The following CELSR1 variants were observed in gnomAD, a reference collection of about 807,000 sequenced individuals.
CELSR1 encodes cadherin EGF LAG seven-pass G-type receptor 1.
CELSR1 carries 110 observed loss-of-function variants against 249.1 expected under a neutral mutation model. That is an observed-to-expected ratio of 0.44 (90% confidence interval 0.38 to 0.52). The LOEUF is 0.52. Ranked by LOEUF, CELSR1 falls within the 20% of genes least tolerant of loss-of-function variation. The pLI is 0.00. For missense variants in CELSR1, 4,109 were observed against 4,296.4 expected, an observed-to-expected ratio of 0.96 and a Z score of 1.22; for synonymous variants, 2,113 against 1,900.0, an observed-to-expected ratio of 1.11 and a Z score of -2.92.
intron 24 of CELSR1, among the ~76,000 whole-genome samples, chr22:46,375,049 G>A (rs1451090084): frequency 1.3e-5 from 2 of 152,156 alleles, no homozygotes; most frequent in African/African-American, 2.4e-5. Flanking sequence ...GGTGACCTGC[G>A]AGGTGGGGGT....
In CELSR1 at chr22:46,433,509, G is replaced by T. The variant is rs756212983; in HGVS notation, c.4523-28C>A. On this transcript the variant is annotated intron_variant, in intron 4 of 34. Coordinates refer to ENST00000674500, the MANE Select transcript of CELSR1 (RefSeq NM_001378328.1). This position sits in a 1 kb window ranked among gnomAD's most constrained non-coding sequence, Gnocchi z 5.7. The stretch of plus-strand genomic sequence containing the variant: ...GCATGGTGGGAGGGAGACCCAGAGA[G>T]AAAACAGGGGTTGGCGGGGCCTACT... The T allele has an allele frequency of 1.4e-5, 23 of 1,594,924 alleles. No homozygotes were observed. The highest frequency in any genetic ancestry group is 2.0e-5 in the Non-Finnish European group (23 of 1,164,790).
At chr22:46,377,608 C>G (rs1227789814) in intron 23 of CELSR1, 1 of 330,898 alleles carries the variant, frequency 3.0e-6, no homozygotes. Context: ...TTTCAGCTTC[C>G]TTGGCCCACA....
rs561821654 is a variant in CELSR1 at position 46,471,418 on chromosome 22, C to T, written c.3545-7073G>A. ...TCTTTTGCTTGTTTTGAGACAGAGT[C>T]TCATTCTGTGGCCCAGGCTGGAATG... On this transcript the variant is annotated intron_variant, in intron 1 of 34. Coordinates refer to ENST00000674500, the MANE Select transcript of CELSR1 (RefSeq NM_001378328.1). The surrounding 1 kb of genome is among the most constrained non-coding windows in gnomAD (Gnocchi z 4.9). Among the ~76,000 whole-genome samples the T allele has an allele frequency of 6.6e-6, 1 of 152,198 alleles. No homozygotes were observed. Among genetic ancestry groups the T allele is most frequent in the South Asian group, 2.1e-4 (1 of 4,824 alleles).
In CELSR1 at chr22:46,386,386, G is replaced by A. The variant is rs200984832; in HGVS notation, c.6739+16C>T. On this transcript the variant is annotated intron_variant, in intron 19 of 34. Transcript: ENST00000674500. The stretch of plus-strand genomic sequence containing the variant: ...ATGGTAGCAGGGTTCCACCCCCAAC[G>A]CAGCCAGCGCCTTACTCATGTTGGC... 15 of 1,531,002 alleles carry A rather than the reference G, an allele frequency of 9.8e-6. No individual in the cohort carries two copies. The highest frequency in any genetic ancestry group is 9.5e-5 in the East Asian group (4 of 42,314). The allele number at this position is 1,531,002 out of a possible 1,614,324, so 94.8% of individuals were successfully genotyped here.
chr22:46,475,058 T>A (rs2080194285), intron 1 of CELSR1, among the ~76,000 whole-genome samples: 1 of 152,174 alleles, frequency 6.6e-6, no homozygotes, highest in African/African-American at 2.4e-5. Flanking sequence ...CCATTTTATC[T>A]TGCCGCATTA....
intron 1 of CELSR1, among the ~76,000 whole-genome samples, chr22:46,467,160 G>A (rs563308176): frequency 6.6e-6 from 1 of 152,338 alleles, no homozygotes; most frequent in Non-Finnish European, 1.5e-5. Flanking sequence ...TGTTAAAAAT[G>A]TGAACGTAAG....
chr22:46,362,855 G>C lies in CELSR1; in HGVS notation c.*368C>G. On this transcript the variant is annotated 3_prime_UTR_variant, in exon 35 of 35. Coordinates refer to ENST00000674500, the MANE Select transcript of CELSR1 (RefSeq NM_001378328.1). ...GGACCGCGGTCTTTGGTCTGTGCCC[G>C]GCGTTCCTGAACTCTGGCCAGCCTC... 1 of 394,940 alleles carries C rather than the reference G, an allele frequency of 2.5e-6. No individual in the cohort carries two copies. The highest frequency in any genetic ancestry group is 5.1e-5 in the South Asian group (1 of 19,422). 24.5% of individuals were successfully genotyped at this position (394,940 alleles called of 1,614,324 possible).
chr22:46,397,277 CTTT>C (rs528088887), intron 12 of CELSR1, among the ~76,000 whole-genome samples: 10,096 of 78,256 alleles, frequency 0.13, 559 homozygotes, highest in African/African-American at 0.28. Flanking sequence ...CTAATTTTTG[CTTT>C]TTTTTTTTTT....
chr22:46,369,843 G>A (rs757068486), intron 25 of CELSR1, 39 bp from the exon 26 acceptor site: 28 of 1,559,490 alleles, frequency 1.8e-5, no homozygotes, highest in Middle Eastern at 1.7e-4. Context: ...TGAGGGCCAC[G>A]TGCCCAGTGG....
intron 1 of CELSR1, among the ~76,000 whole-genome samples, chr22:46,511,153 G>A (rs1220886118): frequency 1.3e-5 from 2 of 152,072 alleles, no homozygotes; most frequent in African/African-American, 4.8e-5. Context: ...CTCACAAAGT[G>A]CTGGTTTTCT....
intron 20 of CELSR1, among the ~76,000 whole-genome samples, chr22:46,383,836 G>T (rs1273254972): frequency 6.6e-6 from 1 of 151,942 alleles, no homozygotes; most frequent in African/African-American, 2.4e-5. Flanking sequence ...CCAGCTAGAA[G>T]CAGCTTTTCA....
At position 46,407,004 on chromosome 22, in the gene CELSR1, G is replaced by A. The variant is rs76263387; in HGVS notation, c.5226+1992C>T. Among the ~76,000 whole-genome samples, 8,959 of 152,264 alleles carry A rather than the reference G, an allele frequency of 0.059. 298 individuals carry two copies. The highest frequency in any genetic ancestry group is 0.071 in the African/African-American group (2,969 of 41,536). ...GGAGGGACTTCCTGACCGCAGGAGC[G>A]GGGAGGGGGGGTCATCCTGGGAGAA... On this transcript the variant is annotated intron_variant, in intron 9 of 34. Coordinates refer to ENST00000674500, the MANE Select transcript of CELSR1 (RefSeq NM_001378328.1). This position sits in a 1 kb window ranked among gnomAD's most constrained non-coding sequence, Gnocchi z 4.8.
At chr22:46,492,912 G>A (rs1010656479) in intron 1 of CELSR1, among the ~76,000 whole-genome samples, 1 of 152,062 alleles carries the variant, frequency 6.6e-6, no homozygotes, top group Non-Finnish European at 1.5e-5. Flanking sequence ...GACAAAAAGA[G>A]CATGGAAAAC....
intron 1 of CELSR1, among the ~76,000 whole-genome samples, chr22:46,489,128 G>A (rs11913768): frequency 2.6e-5 from 4 of 151,916 alleles, no homozygotes; most frequent in African/African-American, 7.3e-5. Context: ...CCAAATGCAC[G>A]ATTATTTCCC....
Position 46,402,634 on chromosome 22 carries a change from A to G in CELSR1, c.5227-2732T>C, listed in dbSNP as rs570198340. On this transcript the variant is annotated intron_variant, in intron 9 of 34. Coordinates refer to ENST00000674500, the MANE Select transcript of CELSR1 (RefSeq NM_001378328.1). This position sits in a 1 kb window ranked among gnomAD's most constrained non-coding sequence, Gnocchi z 5.0. ...GCTTGAAAACCAAGAGAAGCAAGGA[A>G]GAGTGGCAACAGACCACAGATTCAT... Among the ~76,000 whole-genome samples the G allele has an allele frequency of 6.6e-6, 1 of 152,270 alleles. No homozygotes were observed. Among genetic ancestry groups the G allele is most frequent in the Non-Finnish European group, 1.5e-5 (1 of 68,052 alleles).
chr22:46,460,935 A>G (rs1230173021), intron 2 of CELSR1, among the ~76,000 whole-genome samples: 1 of 152,132 alleles, frequency 6.6e-6, no homozygotes, highest in African/African-American at 2.4e-5. Flanking sequence ...ATTAATTGCT[A>G]CTTCCTTCAT....
rs145213634 is a variant in CELSR1 at position 46,428,770 on chromosome 22, G to A, written c.4611+4623C>T. On this transcript the variant is annotated intron_variant, in intron 5 of 34. Transcript: ENST00000674500. The surrounding 1 kb of genome is among the most constrained non-coding windows in gnomAD (Gnocchi z 5.7). ...TCCCAGCAGCTCTGGGCCTCCTGGC[G>A]CTCCACCTCACTGCCTCACTGCACA... Among the ~76,000 whole-genome samples the A allele has an allele frequency of 4.7e-3, 713 of 152,230 alleles. 8 individuals carry two copies. Among genetic ancestry groups the A allele is most frequent in the African/African-American group, 0.013 (547 of 41,544 alleles).
Position 46,417,705 on chromosome 22 carries a change from T to C in CELSR1, c.4612-5946A>G, listed in dbSNP as rs945270046. ...CAGGGACCTGGGGCAGAAGACATAC[T>C]CTATGAGCCTAGGCAGACTCTTCTA... On this transcript the variant is annotated intron_variant, in intron 5 of 34. Transcript: ENST00000674500. This position sits in a 1 kb window ranked among gnomAD's most constrained non-coding sequence, Gnocchi z 4.1. Among the ~76,000 whole-genome samples, 1 of 152,158 alleles carries C rather than the reference T, an allele frequency of 6.6e-6. No homozygotes were observed. Among genetic ancestry groups the C allele is most frequent in the South Asian group, 2.1e-4 (1 of 4,830 alleles).
chr22:46,466,183 A>C (rs2080094376), intron 1 of CELSR1, among the ~76,000 whole-genome samples: 1 of 152,166 alleles, frequency 6.6e-6, no homozygotes, highest in African/African-American at 2.4e-5. Context: ...AAAACAAATG[A>C]GGCCAAAAGG....
Sources: gnomAD v4.1 joint callset for allele counts (sites outside exome capture counted in the v4.1 genomes callset) on GRCh38, gnomAD v4.1.1 for gene constraint, Gnocchi (gnomAD v3.1) non-coding constraint, MANE v1.5 for transcripts, NCBI Gene and HGNC (gene_info 2026-07-23, HGNC 2026-07-21) for gene names.